Variants in SYT6 observed in about 807,000 individuals in gnomAD.
SYT6 encodes the protein synaptotagmin-6.
Under a neutral mutation model 38.4 loss-of-function variants are expected in SYT6, and 24 were observed. The ratio of observed to expected loss-of-function variants is 0.62; its 90% CI spans 0.45 to 0.88. The LOEUF is 0.88. Among genes scored for constraint, SYT6 ranks in the 40% least tolerant of loss-of-function variants. SYT6 has a pLI of 0.00. For missense variants in SYT6, 611 were observed against 621.0 expected, an observed-to-expected ratio of 0.98 and a Z score of 0.17; for synonymous variants, 265 against 241.9, an observed-to-expected ratio of 1.10 and a Z score of -0.89.
chr1:114,107,952 G>A (rs74112928), intron 3 of SYT6, among the ~76,000 whole-genome samples: 4,080 of 152,320 alleles, frequency 0.027, 165 homozygotes, highest in African/African-American at 0.092. Flanking sequence ...CCCCTGACTG[G>A]TAATGAGCTC....
intron 3 of SYT6, among the ~76,000 whole-genome samples, chr1:114,108,528 A>T (rs2101003705): frequency 6.6e-6 from 1 of 152,244 alleles, no homozygotes; most frequent in Admixed American, 6.5e-5. Flanking sequence ...GTTGTTCTAG[A>T]TGAGATGCTC....
chr1:114,103,694 A>C lies in SYT6; in HGVS notation c.1099T>G (p.Phe367Val). The C allele has an allele frequency of 6.2e-7, 1 of 1,614,068 alleles. No individual in the cohort carries two copies. Among genetic ancestry groups the C allele is most frequent in the South Asian group, 1.1e-5 (1 of 91,036 alleles). ...SESVDLGEIM[F>V]SLCYLPTAGR... ...GCAGTGGGCAGGTAGCAAAGGGAGA[A>C]CATGATCTCTCCCAAGTCCACGCTT... The change falls in exon 4 of 8, where the codon TTC becomes GTC. Residue 367 changes from phenylalanine (F) to valine (V), a missense_variant. Transcript: ENST00000610222.
At chr1:114,129,177 A>C (rs1258978768) in intron 3 of SYT6, among the ~76,000 whole-genome samples, 1 of 152,206 alleles carries the variant, frequency 6.6e-6, no homozygotes, top group Non-Finnish European at 1.5e-5. Flanking sequence ...CCCTCCACCC[A>C]GTCTGTCATC....
chr1:114,091,011 G>A lies in SYT6; in HGVS notation c.*1123C>T, dbSNP rs542064278. On this transcript the variant is annotated 3_prime_UTR_variant, in exon 8 of 8. Transcript: ENST00000610222. ...GGCTGAAATAGGCTTACGCTGACTCGGTTTCAATCAAAAACATACTCTTCA... is the reference window on the plus strand; with the variant it reads ...GGCTGAAATAGGCTTACGCTGACTCAGTTTCAATCAAAAACATACTCTTCA... 5 of 152,924 alleles carry A rather than the reference G, an allele frequency of 3.3e-5. No individual in the cohort carries two copies. Among genetic ancestry groups the A allele is most frequent in the African/African-American group, 1.2e-4 (5 of 41,502 alleles). The allele number at this position is 152,924 out of a possible 1,614,324, so 9.5% of individuals were successfully genotyped here.
At chr1:114,098,790 G>A (rs904685612) in intron 5 of SYT6, among the ~76,000 whole-genome samples, 1 of 152,192 alleles carries the variant, frequency 6.6e-6, no homozygotes, top group Non-Finnish European at 1.5e-5. Flanking sequence ...CATTTCAAAG[G>A]CCAGATAATA....
intron 1 of SYT6, among the ~76,000 whole-genome samples, chr1:114,144,801 T>C (rs76741690): frequency 6.6e-6 from 1 of 152,058 alleles, no homozygotes; most frequent in Non-Finnish European, 1.5e-5. Flanking sequence ...GTTGAGGATA[T>C]CAGCCACTCT....
At chr1:114,144,011 C>T (rs1284713972) in intron 1 of SYT6, among the ~76,000 whole-genome samples, 1 of 152,240 alleles carries the variant, frequency 6.6e-6, no homozygotes, top group Non-Finnish European at 1.5e-5. Flanking sequence ...GAACCAAGGG[C>T]ATACTTTGCA....
intron 6 of SYT6, among the ~76,000 whole-genome samples, chr1:114,096,320 CTCAT>C (rs1675639938): frequency 6.6e-6 from 1 of 152,158 alleles, no homozygotes; most frequent in South Asian, 2.1e-4. Flanking sequence ...ACTGGCCTCA[CTCAT>C]TAAAGCTCCA....
intron 5 of SYT6, among the ~76,000 whole-genome samples, chr1:114,098,439 G>C (rs1675777240): frequency 2.0e-5 from 3 of 152,226 alleles, no homozygotes; most frequent in Admixed American, 2.0e-4. Flanking sequence ...ATGGGGACCA[G>C]AGTAGTTGAA....
intron 1 of SYT6, among the ~76,000 whole-genome samples, chr1:114,149,212 A>T (rs1557772564): frequency 0.013 from 211 of 16,724 alleles, 2 homozygotes; most frequent in Admixed American, 0.048. Context: ...AGAGAGAGAG[A>T]GAGATTGTGT....
At chr1:114,092,123 A>G in intron 7 of SYT6, 41 bp from the exon 8 acceptor site, 1 of 1,524,358 alleles carries the variant, frequency 6.6e-7, no homozygotes, top group Non-Finnish European at 8.8e-7. Flanking sequence ...TTGCTAAAGG[A>G]ATTTACATTT....
intron 3 of SYT6, among the ~76,000 whole-genome samples, chr1:114,110,709 C>T (rs1676623497): frequency 6.6e-6 from 1 of 152,160 alleles, no homozygotes; most frequent in Non-Finnish European, 1.5e-5. Flanking sequence ...GCTACGGCCT[C>T]CACAGCTACT....
chr1:114,135,706 C>T (rs1389160582), intron 3 of SYT6, among the ~76,000 whole-genome samples: 1 of 152,174 alleles, frequency 6.6e-6, no homozygotes, highest in Non-Finnish European at 1.5e-5. Flanking sequence ...TCCATTCATG[C>T]CTGGAGCCAA....
rs1339756093 is a variant in SYT6, at chr1:114,091,160, T to G, written c.*974A>C. 1 of 152,802 alleles carries G rather than the reference T, an allele frequency of 6.5e-6. No homozygotes were observed. Among genetic ancestry groups the G allele is most frequent in the Admixed American group, 6.5e-5 (1 of 15,286 alleles). The allele number at this position is 152,802 out of a possible 1,614,324, so 9.5% of individuals were successfully genotyped here. A position where few individuals can be genotyped will look rare whatever the true frequency, so the allele number is the denominator to read the frequency against. ...AACAGCAGCTTGATACTTCATGGAA[T>G]TATAAAGCTATGTATAATGCAGAAA... On this transcript the variant is annotated 3_prime_UTR_variant, in exon 8 of 8. Coordinates refer to ENST00000610222, the MANE Select transcript of SYT6 (RefSeq NM_001253772.2).
intron 1 of SYT6, among the ~76,000 whole-genome samples, chr1:114,151,546 C>T (rs528814491): frequency 4.3e-4 from 66 of 152,290 alleles, no homozygotes; most frequent in African/African-American, 1.4e-3. Context: ...TACAGCCCTG[C>T]CCCACTTCCA....
At position 114,097,827 on chromosome 1, in the gene SYT6, TCAG is replaced by T; in HGVS notation, c.1412_1414del (p.Ala471del). ...GTTCCAGTGGTCCCTGCCCAGGCCT[TCAG>T]CAGTGATCCCCACACGACAGACTCC... On this transcript the variant is annotated inframe_deletion, in exon 6 of 8. Transcript: ENST00000610222. 1 of 1,614,122 alleles carries T rather than the reference TCAG, an allele frequency of 6.2e-7. No homozygotes were observed. The highest frequency in any genetic ancestry group is 8.5e-7 in the Non-Finnish European group (1 of 1,180,030).
chr1:114,150,000 A>G (rs1021977174), intron 1 of SYT6, among the ~76,000 whole-genome samples: 1 of 152,152 alleles, frequency 6.6e-6, no homozygotes, highest in African/African-American at 2.4e-5. Flanking sequence ...TTCCTAAGCA[A>G]GAATAGAAAG....
At chr1:114,101,779 G>A (rs1183033620) in intron 4 of SYT6, among the ~76,000 whole-genome samples, 14 of 152,140 alleles carry the variant, frequency 9.2e-5, no homozygotes, top group Admixed American at 9.2e-4. Flanking sequence ...TCACCCTTGG[G>A]CCAGGTTCCT....
intron 3 of SYT6, among the ~76,000 whole-genome samples, chr1:114,104,445 G>C (rs1676158821): frequency 6.6e-6 from 1 of 152,174 alleles, no homozygotes; most frequent in Non-Finnish European, 1.5e-5. Flanking sequence ...TGAGAGAACA[G>C]GAAAACCTCA....
Sources: allele counts gnomAD v4.1 joint callset (sites outside exome capture counted in the v4.1 genomes callset), GRCh38; gene constraint gnomAD v4.1.1; transcripts MANE v1.5; gene names NCBI Gene and HGNC (gene_info 2026-07-23, HGNC 2026-07-21).